Variants in KIAA0319L observed in about 807,000 individuals in gnomAD.
KIAA0319L encodes KIAA0319 like, also known as dyslexia-associated protein KIAA0319-like protein.
In KIAA0319L, 55 loss-of-function variants were observed where a neutral mutation model predicts 120.1. That is an observed-to-expected ratio of 0.46 (90% confidence interval 0.37 to 0.57). The LOEUF (loss-of-function observed/expected upper bound fraction) is 0.57, where lower values mean the gene tolerates loss of function less well. Ranked by LOEUF, KIAA0319L falls within the 20% of genes least tolerant of loss-of-function variation. The pLI is 0.00. For missense variants in KIAA0319L, 1,049 were observed against 1,255.3 expected, an observed-to-expected ratio of 0.84 and a Z score of 2.48; for synonymous variants, 398 against 471.9, an observed-to-expected ratio of 0.84 and a Z score of 2.03.
chr1:35,549,708 T>C (rs1198371483), intron 2 of KIAA0319L, among the ~76,000 whole-genome samples: 1 of 152,244 alleles, frequency 6.6e-6, no homozygotes, highest in Non-Finnish European at 1.5e-5. Flanking sequence ...AATATATTTG[T>C]TAAGATTTTA....
chr1:35,454,416 T>A lies in KIAA0319L; in HGVS notation c.1726A>T (p.Thr576Ser). 1.9e-6 allele frequency: 3 copies of A among 1,614,182 alleles called. No individual in the cohort carries two copies. The highest frequency in any genetic ancestry group is 2.5e-6 in the Non-Finnish European group (3 of 1,179,978). Residue 576 changes from threonine to serine, a missense_variant, in exon 11 of 21, where the codon ACT (threonine) becomes TCT (serine). Thr to Ser is a moderately conservative substitution (Grantham distance 58, BLOSUM62 1). Transcript: ENST00000325722. Reference protein sequence around the residue: ...EGDYTYQLTVTDTIGQQATAQ... With the variant: ...EGDYTYQLTVSDTIGQQATAQ... ...GTGGCCTGCTGTCCTATTGTGTCAG[T>A]CACTGTGAGCTGGTAAGTGTAGTCT... is the stretch of plus-strand genomic sequence containing the variant.
chr1:35,526,347 G>A (rs1057507245), intron 2 of KIAA0319L, among the ~76,000 whole-genome samples: 14 of 133,854 alleles, frequency 1.0e-4, no homozygotes, highest in Admixed American at 2.2e-4. Context: ...ATATATGTAC[G>A]TGTGTGTGTG....
At chr1:35,470,492 CAAAAA>C (rs34215571) in intron 6 of KIAA0319L, among the ~76,000 whole-genome samples, 4 of 73,434 alleles carry the variant, frequency 5.4e-5, no homozygotes, top group Admixed American at 1.7e-4. Flanking sequence ...GACCCTGTCT[CAAAAA>C]AAAAAAAAAA....
In KIAA0319L at chr1:35,448,187, C is replaced by T. The variant is rs147017356; in HGVS notation, c.2499G>A (p.Pro833=). 7.2e-5 allele frequency: 116 copies of T among 1,613,088 alleles called. No homozygotes were observed. The highest frequency in any genetic ancestry group is 2.7e-4 in the East Asian group (12 of 44,824). Residue 833 remains proline, a synonymous_variant, in exon 16 of 21, where the codon CCG becomes CCA. Transcript: ENST00000325722. ...TGCCCAGCTACCTCTGCTCCGTGTA[C>T]GGCTGAATCTTTTGCACAATGATGT... ...DSDIIVQKIQ[P]YTEQSTKMVF... is the part of the protein sequence containing the mutation.
intron 2 of KIAA0319L, among the ~76,000 whole-genome samples, chr1:35,545,952 T>G (rs558347867): frequency 2.0e-5 from 3 of 152,128 alleles, no homozygotes; most frequent in Middle Eastern, 6.8e-3. Context: ...AGAGGTGGTC[T>G]TTTCATGGTT....
At chr1:35,457,371 T>C (rs778777308) in intron 9 of KIAA0319L, among the ~76,000 whole-genome samples, 1 of 151,886 alleles carries the variant, frequency 6.6e-6, no homozygotes, top group Non-Finnish European at 1.5e-5. Flanking sequence ...ACGATGGACA[T>C]CCTAGGCAGA....
rs1010598939 is a variant in KIAA0319L at position 35,446,409 on chromosome 1, A to G, written c.2513+1764T>C. 3.3e-5 allele frequency among the ~76,000 whole-genome samples: 5 copies of G among 152,128 alleles called. No individual in the cohort carries two copies. The East Asian group carries it at 7.7e-4, about 23-fold the overall frequency. On this transcript the variant is annotated intron_variant, in intron 16 of 20. Transcript: ENST00000325722. ...AAAAATTTTTAAAGATATTCTTTCA[A>G]TCCTACCTCCCATATTATTTTCAGC... is the stretch of plus-strand genomic sequence containing the variant.
intron 3 of KIAA0319L, among the ~76,000 whole-genome samples, chr1:35,491,628 T>G (rs539738073): frequency 2.0e-5 from 3 of 151,960 alleles, no homozygotes; most frequent in Non-Finnish European, 1.5e-5. Flanking sequence ...TGTAATATTT[T>G]AAAAAAAGGA....
intron 3 of KIAA0319L, among the ~76,000 whole-genome samples, chr1:35,495,640 G>A (rs1161803771): frequency 6.6e-6 from 1 of 151,684 alleles, no homozygotes. Flanking sequence ...TGTTTGTTTG[G>A]TTTTGTTTGT....
At chr1:35,482,526 T>A (rs1054275344) in intron 3 of KIAA0319L, among the ~76,000 whole-genome samples, 9 of 150,338 alleles carry the variant, frequency 6.0e-5, no homozygotes, top group Non-Finnish European at 1.3e-4. Flanking sequence ...GCCTCCCAGG[T>A]TCAAGCGATT....
chr1:35,534,966 G>A (rs1480713936), intron 2 of KIAA0319L, among the ~76,000 whole-genome samples: 2 of 149,618 alleles, frequency 1.3e-5, no homozygotes, highest in East Asian at 2.0e-4. Flanking sequence ...CTGTGGTGGC[G>A]CATGCCTGTA....
chr1:35,489,887 G>A (rs138729053), intron 3 of KIAA0319L, among the ~76,000 whole-genome samples: 4 of 151,794 alleles, frequency 2.6e-5, no homozygotes, highest in South Asian at 2.1e-4. Context: ...GGTTGGTCTC[G>A]AACTCCTGAC....
At chr1:35,498,357 T>A (rs1007245491) in intron 3 of KIAA0319L, among the ~76,000 whole-genome samples, 7 of 150,870 alleles carry the variant, frequency 4.6e-5, no homozygotes, top group Non-Finnish European at 7.4e-5. Context: ...AAAGAAACTA[T>A]GAAGTAATAC....
At chr1:35,534,165 T>C (rs1646478149) in intron 2 of KIAA0319L, among the ~76,000 whole-genome samples, 1 of 152,232 alleles carries the variant, frequency 6.6e-6, no homozygotes, top group South Asian at 2.1e-4. Context: ...ACTCACTGCC[T>C]TTGCTATGTG....
intron 3 of KIAA0319L, among the ~76,000 whole-genome samples, chr1:35,501,791 T>C (rs1645015312): frequency 6.6e-6 from 1 of 151,842 alleles, no homozygotes. Context: ...GGCAGACGAA[T>C]TGCTTGAACC....
intron 2 of KIAA0319L, among the ~76,000 whole-genome samples, chr1:35,515,039 G>A (rs1447452303): frequency 1.3e-5 from 2 of 152,164 alleles, no homozygotes; most frequent in African/African-American, 4.8e-5. Context: ...AAGGCCGGGT[G>A]CGGTGGCTCA....
chr1:35,527,887 A>T (rs563927000), intron 2 of KIAA0319L, among the ~76,000 whole-genome samples: 172 of 127,032 alleles, frequency 1.4e-3, no homozygotes, highest in Admixed American at 2.0e-3. Flanking sequence ...TTCTGCTCTG[A>T]TCTTCATTAT....
chr1:35,501,923 G>A (rs996570198), intron 3 of KIAA0319L, among the ~76,000 whole-genome samples: 1 of 150,184 alleles, frequency 6.7e-6, no homozygotes, highest in Non-Finnish European at 1.5e-5. Flanking sequence ...GAATCAGCCT[G>A]CTTAGGTTCA....
At chr1:35,519,721 G>C (rs1400647897) in intron 2 of KIAA0319L, among the ~76,000 whole-genome samples, 3 of 152,082 alleles carry the variant, frequency 2.0e-5, no homozygotes. Flanking sequence ...TTTTTAAAAA[G>C]AACTTTGCTC....
Sources: gnomAD v4.1 joint callset for allele counts (sites outside exome capture counted in the v4.1 genomes callset) on GRCh38, gnomAD v4.1.1 for gene constraint, MANE v1.5 for transcripts, NCBI Gene and HGNC (gene_info 2026-07-23, HGNC 2026-07-21) for gene names.